TRMT11: variants seen among roughly 807,000 people sequenced by gnomAD.
The protein encoded by TRMT11 is tRNA methyltransferase 11.
In TRMT11, 53 loss-of-function variants were observed where a neutral mutation model predicts 62.8. That is an observed-to-expected ratio of 0.84 (90% confidence interval 0.68 to 1.06). The LOEUF (loss-of-function observed/expected upper bound fraction) is 1.06, where lower values mean the gene tolerates loss of function less well. Among genes scored for constraint, TRMT11 ranks in the 50% least tolerant of loss-of-function variants. TRMT11 has a pLI of 0.00. For synonymous variants in TRMT11, 188 were observed against 190.3 expected (o/e 0.99, Z 0.10); for missense variants, 556 against 553.4 (o/e 1.00, Z -0.05).
At chr6:126,063,211 A>G (rs7742867) in intron 17 of TRMT11, among the ~76,000 whole-genome samples, 17,770 of 152,188 alleles carry the variant, frequency 0.12, 3,359 homozygotes, top group African/African-American at 0.4. Context: ...ATGATTATCA[A>G]ATACATTTTG....
At chr6:126,231,727 G>C in the TRMT11 span, among the ~76,000 whole-genome samples, 1 of 152,134 alleles carries the variant, frequency 6.6e-6, no homozygotes, top group African/African-American at 2.4e-5. Context: ...TGTGGCAGAG[G>C]GTTCTGATAC....
At chr6:126,258,396 G>A in the TRMT11 span, 1 of 335,216 alleles carries the variant, frequency 3.0e-6, no homozygotes, top group Non-Finnish European at 5.8e-6. Flanking sequence ...CTGGACGCCA[G>A]CTGCCTGGCT....
chr6:126,096,226 G>T (rs772412332), intron 17 of TRMT11, among the ~76,000 whole-genome samples: 2 of 152,144 alleles, frequency 1.3e-5, no homozygotes, highest in Non-Finnish European at 2.9e-5. Context: ...AGAATTCCTG[G>T]TGCATTGGCA....
chr6:126,143,255 A>G (rs1391928964), intron 21 of TRMT11, among the ~76,000 whole-genome samples: 6 of 152,152 alleles, frequency 3.9e-5, no homozygotes, highest in Non-Finnish European at 7.4e-5. Flanking sequence ...AAAGGCCCTT[A>G]GCTTCCTATG....
At chr6:126,001,061 C>G (rs912400496) in intron 7 of TRMT11, among the ~76,000 whole-genome samples, 2 of 152,110 alleles carry the variant, frequency 1.3e-5, no homozygotes, top group African/African-American at 4.8e-5. Flanking sequence ...AAAGTTGTAT[C>G]CATCACATCC....
intron 16 of TRMT11, among the ~76,000 whole-genome samples, chr6:126,046,852 T>G (rs1776075239): frequency 6.6e-6 from 1 of 152,178 alleles, no homozygotes; most frequent in African/African-American, 2.4e-5. Context: ...AAATGACATG[T>G]TATATGCTTG....
At chr6:126,269,407 AAGAT>A in the TRMT11 span, among the ~76,000 whole-genome samples, 1 of 152,194 alleles carries the variant, frequency 6.6e-6, no homozygotes, top group African/African-American at 2.4e-5. Context: ...AAATTTTAAA[AAGAT>A]AGAACTAAAT....
intron 17 of TRMT11, among the ~76,000 whole-genome samples, chr6:126,095,954 C>T (rs1466418756): frequency 6.6e-6 from 1 of 152,046 alleles, no homozygotes; most frequent in Non-Finnish European, 1.5e-5. Context: ...TTCTGGGGGC[C>T]TAGGAGCAGG....
intron 21 of TRMT11, among the ~76,000 whole-genome samples, chr6:126,116,289 G>T (rs1188117875): frequency 6.6e-6 from 1 of 151,880 alleles, no homozygotes; most frequent in Non-Finnish European, 1.5e-5. Flanking sequence ...ATGAAGAGGT[G>T]GACAGACATA....
chr6:126,030,029 G>A (rs1264306572), intron 12 of TRMT11, among the ~76,000 whole-genome samples: 1 of 152,094 alleles, frequency 6.6e-6, no homozygotes, highest in African/African-American at 2.4e-5. Flanking sequence ...TTACTATCAT[G>A]TAGTGAAATT....
Position 126,008,287 on chromosome 6 carries a change from G to A in TRMT11, c.680-105G>A. Reference sequence around the variant, plus strand: ...TATGTTACGACCAATGTCATTCCAGGATACTCTGCCTGCAGCTAGTTTCTA... The same window carrying A: ...TATGTTACGACCAATGTCATTCCAGAATACTCTGCCTGCAGCTAGTTTCTA... On this transcript the variant is annotated intron_variant, in intron 7 of 12. Transcript: ENST00000334379. The A allele has an allele frequency of 4.2e-6, 4 of 944,366 alleles. No homozygotes were observed. In the South Asian group the frequency reaches 5.3e-5, roughly 12 times the overall value. 58.5% of individuals were successfully genotyped at this position (944,366 alleles called of 1,614,324 possible). A position where few individuals can be genotyped will look rare whatever the true frequency, so the allele number is the denominator to read the frequency against.
intron 1 of TRMT11, among the ~76,000 whole-genome samples, chr6:125,989,495 T>G (rs762051461): frequency 5.3e-5 from 8 of 152,118 alleles, no homozygotes; most frequent in Non-Finnish European, 1.0e-4. Flanking sequence ...ATCATTTGTG[T>G]TTTAGAAAGA....
rs113252593 is a variant in TRMT11, at chr6:126,148,605, C to A, written c.*1824-26220C>A. 8.1e-3 allele frequency among the ~76,000 whole-genome samples: 1,239 copies of A among 152,168 alleles called. 13 individuals are homozygous for A. The highest frequency in any genetic ancestry group is 0.028 in the African/African-American group (1,182 of 41,516). ...AACCTCTCTAAGCTTATTTTCCCCC[C>A]TTTAAAGTAAAACTAATAATAGTAT... On this transcript the variant is annotated intron_variant and NMD_transcript_variant, in intron 21 of 22. Transcript: ENST00000648977.
At chr6:126,219,259 C>G in the TRMT11 span, among the ~76,000 whole-genome samples, 1 of 152,144 alleles carries the variant, frequency 6.6e-6, no homozygotes, top group Non-Finnish European at 1.5e-5. Flanking sequence ...GAAGGAAGAT[C>G]AGTGGAGGCT....
intron 12 of TRMT11, among the ~76,000 whole-genome samples, chr6:126,027,161 T>C (rs1283287409): frequency 6.6e-6 from 1 of 152,186 alleles, no homozygotes; most frequent in Non-Finnish European, 1.5e-5. Flanking sequence ...TTGATGCTGC[T>C]ATATGTGGTT....
chr6:126,229,175 A>G, the TRMT11 span, among the ~76,000 whole-genome samples: 1 of 152,346 alleles, frequency 6.6e-6, no homozygotes, highest in African/African-American at 2.4e-5. Flanking sequence ...CATTTTAAAC[A>G]GAGGTTTTAA....
intron 17 of TRMT11, among the ~76,000 whole-genome samples, chr6:126,054,028 G>A (rs1265642956): frequency 6.6e-6 from 1 of 152,164 alleles, no homozygotes; most frequent in Non-Finnish European, 1.5e-5. Context: ...AATGAAGCTG[G>A]ACAGGTCATG....
At position 126,021,704 on chromosome 6, in the gene TRMT11, T is replaced by G. The variant is rs1795830981; in HGVS notation, c.1260+424T>G. Among the ~76,000 whole-genome samples, 3 of 152,224 alleles carry G rather than the reference T, an allele frequency of 2.0e-5. No individual in the cohort carries two copies. The South Asian group carries it at 6.2e-4, about 31-fold the overall frequency. ...AAGAGAGAAAGTAAATGTCCCCAGT[T>G]TGTTAGGGCCCAACACATTCTCTCT... On this transcript the variant is annotated intron_variant, in intron 12 of 12. Transcript: ENST00000334379.
chr6:126,095,714 AGGTATG>A (rs1176650431), intron 17 of TRMT11, among the ~76,000 whole-genome samples: 2 of 152,190 alleles, frequency 1.3e-5, no homozygotes, highest in Non-Finnish European at 2.9e-5. Flanking sequence ...ATTATAATAA[AGGTATG>A]AACAGAATGT....
Sources: gnomAD v4.1 joint callset for allele counts (sites outside exome capture counted in the v4.1 genomes callset) on GRCh38, gnomAD v4.1.1 for gene constraint, MANE v1.5 for transcripts, NCBI Gene and HGNC (gene_info 2026-07-23, HGNC 2026-07-21) for gene names.